Variants in SLMAP observed in about 807,000 individuals in gnomAD.
The protein encoded by SLMAP is sarcolemma associated protein, also known as sarcolemmal membrane-associated protein.
A neutral mutation model predicts 128.8 loss-of-function variants in SLMAP; 44 were observed. The ratio of observed to expected loss-of-function variants is 0.34; its 90% confidence interval spans 0.27 to 0.44. The LOEUF (loss-of-function observed/expected upper bound fraction) is 0.44, where lower values mean the gene tolerates loss of function less well. Ranked by LOEUF, SLMAP falls within the 20% of genes least tolerant of loss-of-function variation. The probability of loss-of-function intolerance (pLI) is 1.00; values close to 1 mark genes in which losing one functional copy is unlikely to be tolerated. For synonymous variants in SLMAP, 327 were observed against 348.8 expected (o/e 0.94, Z 0.70); for missense variants, 787 against 985.3 (o/e 0.80, Z 2.69).
At chr3:57,799,466 T>C (rs2087648563) in intron 2 of SLMAP, among the ~76,000 whole-genome samples, 1 of 152,230 alleles carries the variant, frequency 6.6e-6, no homozygotes, top group African/African-American at 2.4e-5. Context: ...ACGTTTACTT[T>C]TTGTATCTTC....
chr3:57,812,377 C>T (rs935504628), intron 2 of SLMAP, among the ~76,000 whole-genome samples: 1 of 152,084 alleles, frequency 6.6e-6, no homozygotes, highest in South Asian at 2.1e-4. Flanking sequence ...AATCTTTTGA[C>T]TGTATATGTG....
intron 15 of SLMAP, among the ~76,000 whole-genome samples, chr3:57,891,748 G>A (rs781349555): frequency 3.3e-5 from 5 of 151,934 alleles, no homozygotes; most frequent in Admixed American, 6.6e-5. Flanking sequence ...GGCTAATTTT[G>A]TATTTTTAGT....
At chr3:57,794,786 C>G (rs1343714482) in intron 2 of SLMAP, among the ~76,000 whole-genome samples, 2 of 152,190 alleles carry the variant, frequency 1.3e-5, no homozygotes, top group African/African-American at 4.8e-5. Flanking sequence ...AAATTCCATT[C>G]TAGAGATAGC....
chr3:57,842,446 CTT>C (rs948269700), intron 4 of SLMAP, among the ~76,000 whole-genome samples: 6 of 151,854 alleles, frequency 4.0e-5, no homozygotes, highest in African/African-American at 1.5e-4. Flanking sequence ...TTAAAATAAA[CTT>C]TAGGAAGTTT....
intron 19 of SLMAP, among the ~76,000 whole-genome samples, chr3:57,909,955 C>T (rs1285953461): frequency 6.6e-6 from 1 of 150,490 alleles, no homozygotes; most frequent in East Asian, 2.0e-4. Context: ...GAAGATTGTC[C>T]AGTACTCTCG....
chr3:57,926,894 G>A (rs2097019946), intron 24 of SLMAP, among the ~76,000 whole-genome samples: 1 of 152,142 alleles, frequency 6.6e-6, no homozygotes, highest in African/African-American at 2.4e-5. Flanking sequence ...ATGTGAGTCT[G>A]GTTCTTATCA....
chr3:57,871,454 A>G (rs146227671), intron 13 of SLMAP, among the ~76,000 whole-genome samples, 182 bp from the exon 14 acceptor site: 1 of 152,192 alleles, frequency 6.6e-6, no homozygotes, highest in Non-Finnish European at 1.5e-5. Context: ...TCAGTGTACA[A>G]ATTAATAATA....
chr3:57,760,117 C>A (rs966951442), intron 2 of SLMAP, among the ~76,000 whole-genome samples: 3 of 152,018 alleles, frequency 2.0e-5, no homozygotes, highest in South Asian at 2.1e-4. Flanking sequence ...TTTTTATATT[C>A]TTCGTAGATA....
At chr3:57,847,137 C>T in intron 4 of SLMAP, 60 bp from the exon 5 acceptor site, 1 of 1,092,402 alleles carries the variant, frequency 9.2e-7, no homozygotes, top group Non-Finnish European at 1.4e-6. Flanking sequence ...CTGGTGCTCT[C>T]ATACTCTGTT....
At chr3:57,867,499 T>G (rs2095338230) in intron 13 of SLMAP, among the ~76,000 whole-genome samples, 1 of 152,182 alleles carries the variant, frequency 6.6e-6, no homozygotes, top group Non-Finnish European at 1.5e-5. Flanking sequence ...TATTTTTTCC[T>G]TATTTGTGTG....
intron 4 of SLMAP, among the ~76,000 whole-genome samples, chr3:57,844,594 C>G (rs560175283): frequency 6.6e-6 from 1 of 150,618 alleles, no homozygotes; most frequent in South Asian, 2.1e-4. Flanking sequence ...AATGTGTTGC[C>G]GGATTTTTAG....
At chr3:57,819,307 G>C (rs1298439563) in intron 2 of SLMAP, among the ~76,000 whole-genome samples, 3 of 152,242 alleles carry the variant, frequency 2.0e-5, no homozygotes, top group East Asian at 3.9e-4. Flanking sequence ...ATGCCAACTT[G>C]AATGATTGTG....
chr3:57,874,987 T>A (rs1434934983), intron 14 of SLMAP, among the ~76,000 whole-genome samples: 1 of 152,072 alleles, frequency 6.6e-6, no homozygotes, highest in African/African-American at 2.4e-5. Flanking sequence ...ATACAAAAGG[T>A]GTTTGAAGAT....
chr3:57,782,563 C>T (rs1277416081), intron 2 of SLMAP, among the ~76,000 whole-genome samples: 1 of 152,154 alleles, frequency 6.6e-6, no homozygotes, highest in Non-Finnish European at 1.5e-5. Flanking sequence ...ACTTCCACTT[C>T]CTGGGCTCAA....
intron 2 of SLMAP, among the ~76,000 whole-genome samples, chr3:57,790,863 A>C (rs1293171667): frequency 6.6e-6 from 1 of 152,226 alleles, no homozygotes; most frequent in Non-Finnish European, 1.5e-5. Context: ...GCTTTGGAGC[A>C]AAGGGGTCAC....
chr3:57,922,746 C>T lies in SLMAP; in HGVS notation c.2311-143C>T, dbSNP rs1012214456. ...CCGGCCAAAAGACTTCTTATGAGTG[C>T]AAGTTATTCCTCCTTAAACAAAAAG... is the stretch of plus-strand genomic sequence containing the variant. On this transcript the variant is annotated intron_variant, in intron 22 of 24. Coordinates refer to ENST00000671191, the MANE Select transcript of SLMAP (RefSeq NM_001377540.1). 1.1e-5 allele frequency: 8 copies of T among 738,576 alleles called. No individual in the cohort carries two copies. The East Asian group carries it at 2.2e-4, about 20-fold the overall frequency. The allele number at this position is 738,576 out of a possible 1,614,324, so 45.8% of individuals were successfully genotyped here.
chr3:57,858,907 A>ACG (rs2094914578), intron 8 of SLMAP, among the ~76,000 whole-genome samples: 1 of 152,184 alleles, frequency 6.6e-6, no homozygotes, highest in African/African-American at 2.4e-5. Context: ...GTGCCATTGC[A>ACG]ATGTAGCCTG....
chr3:57,914,309 A>G (rs1396409486), intron 21 of SLMAP, among the ~76,000 whole-genome samples: 2 of 152,102 alleles, frequency 1.3e-5, no homozygotes, highest in Admixed American at 6.5e-5. Flanking sequence ...TGAGAGGATC[A>G]CTTGAGCCTA....
At chr3:57,798,263 T>C (rs991003009) in intron 2 of SLMAP, among the ~76,000 whole-genome samples, 1 of 151,964 alleles carries the variant, frequency 6.6e-6, no homozygotes, top group Non-Finnish European at 1.5e-5. Flanking sequence ...AGCTGTCTGT[T>C]TGTGAAGTAG....
Sources: allele counts gnomAD v4.1 joint callset (sites outside exome capture counted in the v4.1 genomes callset), GRCh38; gene constraint gnomAD v4.1.1; transcripts MANE v1.5; gene names NCBI Gene and HGNC (gene_info 2026-07-23, HGNC 2026-07-21).